The following SLC16A7 variants were observed in gnomAD, a reference collection of about 807,000 sequenced individuals.
The protein encoded by SLC16A7 is monocarboxylate transporter 2.
A neutral mutation model predicts 34.9 loss-of-function variants in SLC16A7; 33 were observed. That is an observed-to-expected ratio of 0.94 (90% confidence interval 0.72 to 1.26). The LOEUF is 1.26. SLC16A7 is among the 50% of genes most tolerant of loss of function. The pLI, the probability that SLC16A7 is intolerant of heterozygous loss-of-function variation, is 0.00. For synonymous variants in SLC16A7, 201 were observed against 206.6 expected (o/e 0.97, Z 0.23); for missense variants, 573 against 578.1 (o/e 0.99, Z 0.09).
intron 3 of SLC16A7, among the ~76,000 whole-genome samples, chr12:59,723,518 A>C (rs527781810): frequency 6.6e-6 from 1 of 152,132 alleles, no homozygotes; most frequent in South Asian, 2.1e-4. Flanking sequence ...GAAGAAATAA[A>C]AGACAGCCTT....
chr12:59,768,909 A>G (rs1207123200), intron 3 of SLC16A7: 1 of 152,328 alleles, frequency 6.6e-6, no homozygotes, highest in Non-Finnish European at 1.5e-5. Context: ...CTTAGTTGGG[A>G]GGATCTCGAG....
At chr12:59,671,763 GTA>G (rs1869729923) in intron 2 of SLC16A7, among the ~76,000 whole-genome samples, 1 of 139,254 alleles carries the variant, frequency 7.2e-6, no homozygotes, top group African/African-American at 2.7e-5. Flanking sequence ...ATGTGTATAT[GTA>G]TATATGTGTA....
At chr12:59,744,616 G>C (rs1368028541) in intron 3 of SLC16A7, among the ~76,000 whole-genome samples, 1 of 152,170 alleles carries the variant, frequency 6.6e-6, no homozygotes, top group East Asian at 1.9e-4. Context: ...CTGACCCTCT[G>C]CCCTCACTGG....
Position 59,698,115 on chromosome 12 carries a change from C to T in SLC16A7, c.-30-6657C>T, listed in dbSNP as rs940088638. Among the ~76,000 whole-genome samples, 18 of 151,482 alleles carry T rather than the reference C, an allele frequency of 1.2e-4. 1 individual carries two copies. Among genetic ancestry groups the T allele is most frequent in the South Asian group, 8.3e-4 (4 of 4,812 alleles). ...TGGAGCAAAAATCTATGTTTTCCTA[C>T]GATTCAAATTGAAATCAGAACTATA... On this transcript the variant is annotated intron_variant, in intron 2 of 5. Transcript: ENST00000547379.
intron 3 of SLC16A7, among the ~76,000 whole-genome samples, chr12:59,713,093 C>T (rs920424381): frequency 6.6e-6 from 1 of 151,910 alleles, no homozygotes; most frequent in African/African-American, 2.4e-5. Flanking sequence ...AGTATCGGCT[C>T]ACTTCAACCT....
At chr12:59,738,583 C>T (rs1877883522) in intron 3 of SLC16A7, among the ~76,000 whole-genome samples, 1 of 152,154 alleles carries the variant, frequency 6.6e-6, no homozygotes, top group Non-Finnish European at 1.5e-5. Context: ...CTACCCTTTG[C>T]TGGCATTTCA....
chr12:59,606,031 A>G (rs1271041642), intron 1 of SLC16A7, among the ~76,000 whole-genome samples: 1 of 152,118 alleles, frequency 6.6e-6, no homozygotes, highest in African/African-American at 2.4e-5. Context: ...TTTTATCTCT[A>G]CCTTTATTTT....
intron 2 of SLC16A7, among the ~76,000 whole-genome samples, chr12:59,685,526 G>A (rs886131474): frequency 4.6e-5 from 7 of 151,964 alleles, no homozygotes; most frequent in African/African-American, 1.4e-4. Context: ...CAACTATTAT[G>A]CATTATTTAT....
At chr12:59,659,362 T>G (rs1206404352) in intron 2 of SLC16A7, among the ~76,000 whole-genome samples, 1 of 152,020 alleles carries the variant, frequency 6.6e-6, no homozygotes, top group African/African-American at 2.4e-5. Flanking sequence ...ATAACCGAAG[T>G]GGTGAACATT....
intron 3 of SLC16A7, among the ~76,000 whole-genome samples, chr12:59,745,395 C>T (rs1444297246): frequency 6.6e-6 from 1 of 152,120 alleles, no homozygotes; most frequent in Admixed American, 6.5e-5. Flanking sequence ...ATAGTATCCA[C>T]TACAATGATG....
intron 3 of SLC16A7, among the ~76,000 whole-genome samples, chr12:59,744,012 T>C (rs1565688616): frequency 6.6e-6 from 1 of 152,178 alleles, no homozygotes; most frequent in Admixed American, 6.5e-5. Context: ...TGAAAGTTAT[T>C]ATTAGGATGT....
At chr12:59,619,912 T>A (rs974611859) in intron 1 of SLC16A7, among the ~76,000 whole-genome samples, 1 of 152,022 alleles carries the variant, frequency 6.6e-6, no homozygotes, top group African/African-American at 2.4e-5. Context: ...TACTTCAGTT[T>A]TTACAGAAAA....
chr12:59,709,529 G>T (rs1379663963), intron 3 of SLC16A7, among the ~76,000 whole-genome samples: 1 of 151,432 alleles, frequency 6.6e-6, no homozygotes, highest in Non-Finnish European at 1.5e-5. Context: ...CTAATATTTT[G>T]CAGAATGAGG....
At chr12:59,628,202 T>C (rs1880011058) in intron 1 of SLC16A7, among the ~76,000 whole-genome samples, 1 of 151,840 alleles carries the variant, frequency 6.6e-6, no homozygotes, top group Non-Finnish European at 1.5e-5. Context: ...AATTTAATCT[T>C]ATTCCTCCCA....
chr12:59,630,276 A>G (rs941617980), intron 1 of SLC16A7, among the ~76,000 whole-genome samples: 5 of 151,894 alleles, frequency 3.3e-5, no homozygotes, highest in Non-Finnish European at 7.4e-5. Context: ...CACTTGTGGA[A>G]TACTCTTAAA....
At chr12:59,753,490 A>T (rs1879868375) in intron 3 of SLC16A7, among the ~76,000 whole-genome samples, 1 of 152,208 alleles carries the variant, frequency 6.6e-6, no homozygotes, top group Non-Finnish European at 1.5e-5. Flanking sequence ...AAACCAACAA[A>T]GATCAAAAGA....
chr12:59,643,829 G>A (rs1231384495), intron 1 of SLC16A7, among the ~76,000 whole-genome samples: 2 of 152,162 alleles, frequency 1.3e-5, no homozygotes, highest in Admixed American at 6.5e-5. Flanking sequence ...GAAAATCGTG[G>A]TGTTACACTT....
At chr12:59,653,382 T>C (rs1192501424) in intron 1 of SLC16A7, among the ~76,000 whole-genome samples, 1 of 151,666 alleles carries the variant, frequency 6.6e-6, no homozygotes, top group Non-Finnish European at 1.5e-5. Context: ...GTAAGAAATA[T>C]AATTATGCAG....
chr12:59,699,363 T>C (rs1326389296), intron 2 of SLC16A7, among the ~76,000 whole-genome samples: 1 of 151,642 alleles, frequency 6.6e-6, no homozygotes, highest in Non-Finnish European at 1.5e-5. Context: ...TACTCAAAAT[T>C]ATTAGTAATC....
Sources: allele counts gnomAD v4.1 joint callset (sites outside exome capture counted in the v4.1 genomes callset), GRCh38; gene constraint gnomAD v4.1.1; transcripts MANE v1.5; gene names NCBI Gene and HGNC (gene_info 2026-07-23, HGNC 2026-07-21).